The following ZBTB38 variants were observed in gnomAD, a reference collection of about 807,000 sequenced individuals.
ZBTB38 encodes zinc finger and BTB domain containing 38.
In ZBTB38, 20 loss-of-function variants were observed where a neutral mutation model predicts 76.8. That is an observed-to-expected ratio of 0.26 (90% CI 0.18 to 0.38). The LOEUF (loss-of-function observed/expected upper bound fraction) is 0.38, where lower values mean the gene tolerates loss of function less well. Among genes scored for constraint, ZBTB38 ranks in the 10% least tolerant of loss-of-function variants. ZBTB38 has a pLI of 1.00. For missense variants in ZBTB38, 1,082 were observed against 1,482.3 expected, an observed-to-expected ratio of 0.73 and a Z score of 4.43; for synonymous variants, 504 against 544.2, an observed-to-expected ratio of 0.93 and a Z score of 1.03.
chr3:141,445,668 T>C lies in ZBTB38; in HGVS notation c.3280T>C (p.Tyr1094His). 6.2e-7 allele frequency: 1 copy of C among 1,614,224 alleles called. No individual in the cohort carries two copies. The highest frequency in any genetic ancestry group is 8.5e-7 in the Non-Finnish European group (1 of 1,180,028). ...HERIHTGEKR[Y>H]HCQFCFQRFL... is the part of the protein sequence containing the mutation. ...AAGAATCCATACTGGAGAAAAGCGT[T>C]ACCACTGTCAGTTCTGCTTTCAGAG... Residue 1094 changes from tyrosine (Y) to histidine (H), a missense_variant, in exon 6 of 6, where the codon TAC becomes CAC. Coordinates refer to ENST00000321464, the MANE Select transcript of ZBTB38 (RefSeq NM_001376113.1). The surrounding 1 kb of genome is among the most constrained non-coding windows in gnomAD (Gnocchi z 6.5).
chr3:141,437,100 G>C (rs2078988373), intron 5 of ZBTB38, among the ~76,000 whole-genome samples: 1 of 152,180 alleles, frequency 6.6e-6, no homozygotes, highest in South Asian at 2.1e-4. Context: ...AGATTGGAGA[G>C]GTGGATACTA....
chr3:141,382,157 A>T (rs1040242468), intron 3 of ZBTB38, among the ~76,000 whole-genome samples: 1 of 152,186 alleles, frequency 6.6e-6, no homozygotes, highest in Non-Finnish European at 1.5e-5. Flanking sequence ...CAGGAGGCTG[A>T]GGCGGGAGAA....
intron 4 of ZBTB38, among the ~76,000 whole-genome samples, chr3:141,390,943 C>T (rs1369107232): frequency 6.6e-6 from 1 of 152,100 alleles, no homozygotes; most frequent in Non-Finnish European, 1.5e-5. Flanking sequence ...TTGCTTGAGA[C>T]CAGGAGTTTG....
chr3:141,415,584 G>A (rs1236508306), intron 5 of ZBTB38, among the ~76,000 whole-genome samples: 2 of 152,220 alleles, frequency 1.3e-5, no homozygotes, highest in South Asian at 2.1e-4. Context: ...CATTTGAGGA[G>A]TGCTGCTCTA....
intron 1 of ZBTB38, among the ~76,000 whole-genome samples, chr3:141,340,990 GAGA>G (rs1559913332): frequency 1.6e-4 from 20 of 122,220 alleles, no homozygotes; most frequent in African/African-American, 2.1e-4. Context: ...AAGAAAGAAA[GAGA>G]AAGAAGAAAG....
chr3:141,375,125 A>G (rs951719212), intron 2 of ZBTB38, among the ~76,000 whole-genome samples: 1 of 152,254 alleles, frequency 6.6e-6, no homozygotes, highest in South Asian at 2.1e-4. Flanking sequence ...TAGTATGTCT[A>G]TGCCAGAATT....
intron 5 of ZBTB38, among the ~76,000 whole-genome samples, chr3:141,434,711 A>G (rs1253046888): frequency 2.0e-5 from 3 of 152,166 alleles, no homozygotes; most frequent in Middle Eastern, 3.2e-3. Flanking sequence ...GCATTTATAT[A>G]AAGTCTAATT....
At chr3:141,424,024 A>G (rs2075931006) in intron 5 of ZBTB38, among the ~76,000 whole-genome samples, 1 of 152,222 alleles carries the variant, frequency 6.6e-6, no homozygotes, top group African/African-American at 2.4e-5. Context: ...TCCAAAACAG[A>G]CAATACACAG....
At chr3:141,428,777 G>A (rs751503014) in intron 5 of ZBTB38, among the ~76,000 whole-genome samples, 1 of 152,140 alleles carries the variant, frequency 6.6e-6, no homozygotes, top group Non-Finnish European at 1.5e-5. Context: ...CGCCCGGCCA[G>A]TATTTCCATT....
At chr3:141,401,240 A>C (rs1951835032) in intron 4 of ZBTB38, among the ~76,000 whole-genome samples, 1 of 152,140 alleles carries the variant, frequency 6.6e-6, no homozygotes, top group Non-Finnish European at 1.5e-5. Context: ...TTACTTAATA[A>C]ATGCAGTTTA....
chr3:141,419,658 G>T (rs1356516546), intron 5 of ZBTB38, among the ~76,000 whole-genome samples: 2 of 152,114 alleles, frequency 1.3e-5, no homozygotes, highest in Non-Finnish European at 2.9e-5. Flanking sequence ...GCCTGCAGTA[G>T]CATCGTAAGA....
chr3:141,344,231 T>C (rs1349240562), intron 1 of ZBTB38, among the ~76,000 whole-genome samples: 1 of 152,230 alleles, frequency 6.6e-6, no homozygotes, highest in African/African-American at 2.4e-5. Flanking sequence ...TGGGTCCCAC[T>C]GGGCTAAAAT....
rs1553760058 is a variant in ZBTB38 at position 141,340,927 on chromosome 3, A to AAAGAAAAGAAAAGAAAAGAAAAG, written c.-739+16473_-739+16474insGAAAAGAAAAGAAAAGAAAAGAA. Among the ~76,000 whole-genome samples, 269 of 102,102 alleles carry AAAGAAAAGAAAAGAAAAGAAAAG rather than the reference A, an allele frequency of 2.6e-3. 2 individuals are homozygous for AAAGAAAAGAAAAGAAAAGAAAAG. The highest frequency in any genetic ancestry group is 3.5e-3 in the Non-Finnish European group (201 of 56,752). The allele number at this position is 102,102 out of a possible 152,430, so 67.0% of individuals were successfully genotyped here. The stretch of plus-strand genomic sequence containing the variant: ...AAGAAAAGAAAAGAAAAGGAAAGGA[A>AAAGAAAAGAAAAGAAAAGAAAAG]AAAAGAAAAGAAAAGAAAGAAGGAA... On this transcript the variant is annotated intron_variant, in intron 1 of 7. Transcript: ENST00000509842.
At chr3:141,432,250 A>T (rs867793077) in intron 5 of ZBTB38, 1 of 985,472 alleles carries the variant, frequency 1.0e-6, no homozygotes, top group South Asian at 4.7e-5. Flanking sequence ...CCAGGTCAGT[A>T]TCCTAATACA....
chr3:141,433,321 GTTTTGTTTTT>G (rs530064721), intron 5 of ZBTB38, among the ~76,000 whole-genome samples: 140 of 143,196 alleles, frequency 9.8e-4, no homozygotes, highest in African/African-American at 3.8e-3. Flanking sequence ...TTTGACTTTT[GTTTTGTTTTT>G]TTTTGTTTTT....
chr3:141,407,867 A>G (rs1275719664), intron 5 of ZBTB38, among the ~76,000 whole-genome samples: 3 of 152,254 alleles, frequency 2.0e-5, no homozygotes, highest in South Asian at 2.1e-4. Context: ...GATTATATGC[A>G]TAATCAGACA....
chr3:141,340,750 A>T (rs1362178015), intron 1 of ZBTB38, among the ~76,000 whole-genome samples: 1 of 151,598 alleles, frequency 6.6e-6, no homozygotes, highest in African/African-American at 2.4e-5. Context: ...ACAAAAAATT[A>T]GCCGGGTGTG....
chr3:141,446,072 A>C lies in ZBTB38; in HGVS notation c.*96A>C. On this transcript the variant is annotated 3_prime_UTR_variant, in exon 6 of 6. Coordinates refer to ENST00000321464, the MANE Select transcript of ZBTB38 (RefSeq NM_001376113.1). Reference sequence around the variant, plus strand: ...CATTTTGTCCATGTGACAGTCATGAAGGAGTGAAATTAAAAAAAAAAAAAA... The same window carrying C: ...CATTTTGTCCATGTGACAGTCATGACGGAGTGAAATTAAAAAAAAAAAAAA... 9.5e-7 allele frequency: 1 copy of C among 1,047,628 alleles called. No homozygotes were observed. The highest frequency in any genetic ancestry group is 1.3e-6 in the Non-Finnish European group (1 of 770,164). The allele number at this position is 1,047,628 out of a possible 1,614,324, so 64.9% of individuals were successfully genotyped here. A position where few individuals can be genotyped will look rare whatever the true frequency, so the allele number is the denominator to read the frequency against.
rs143709716 is a variant in ZBTB38 at position 141,434,770 on chromosome 3, A to G, written c.1-7619A>G. Among the ~76,000 whole-genome samples the G allele has an allele frequency of 6.4e-3, 980 of 152,100 alleles. 13 individuals are homozygous for G. The highest frequency in any genetic ancestry group is 0.022 in the African/African-American group (917 of 41,528). On this transcript the variant is annotated intron_variant, in intron 5 of 5. Transcript: ENST00000321464. ...TATATAATTCTTAAAAGTACTTTAC[A>G]TATTCGTACAATATACTTTATGTAA...
Sources: gnomAD v4.1 joint callset for allele counts (sites outside exome capture counted in the v4.1 genomes callset) on GRCh38, gnomAD v4.1.1 for gene constraint, Gnocchi (gnomAD v3.1) non-coding constraint, MANE v1.5 for transcripts, NCBI Gene and HGNC (gene_info 2026-07-23, HGNC 2026-07-21) for gene names.